Variants in LUZP2 observed in about 807,000 individuals in gnomAD.
The protein encoded by LUZP2 is leucine zipper protein 2.
In LUZP2, 52 loss-of-function variants were observed where a neutral mutation model predicts 51.6. The observed-to-expected ratio is 1.01, with a 90% CI of 0.81 to 1.27. LUZP2 has a LOEUF of 1.27. Ranked by LOEUF, LUZP2 falls within the 50% of genes most tolerant of loss-of-function variation. The pLI is 0.00. For synonymous variants in LUZP2, 154 were observed against 137.3 expected (o/e 1.12, Z -0.85); for missense variants, 436 against 395.4 (o/e 1.10, Z -0.87).
At chr11:24,781,611 C>A (rs577050807) in intron 5 of LUZP2, among the ~76,000 whole-genome samples, 1 of 151,948 alleles carries the variant, frequency 6.6e-6, no homozygotes, top group South Asian at 2.1e-4. Flanking sequence ...TTACCATTTT[C>A]CATTTTCTTT....
At chr11:24,743,392 A>G (rs948034873) in intron 4 of LUZP2, among the ~76,000 whole-genome samples, 2 of 152,060 alleles carry the variant, frequency 1.3e-5, no homozygotes, top group African/African-American at 4.8e-5. Flanking sequence ...TTTTCCTTGT[A>G]GAAGCCTTTT....
chr11:24,609,624 GA>G (rs1220979173), intron 1 of LUZP2, among the ~76,000 whole-genome samples: 1 of 148,612 alleles, frequency 6.7e-6, no homozygotes, highest in Non-Finnish European at 1.5e-5. Flanking sequence ...CAGCTACTCG[GA>G]AGGCTGAGGC....
chr11:24,816,989 G>T (rs1302981567), intron 5 of LUZP2, among the ~76,000 whole-genome samples: 1 of 151,678 alleles, frequency 6.6e-6, no homozygotes, highest in East Asian at 1.9e-4. Context: ...TTACCCTCAG[G>T]GATTAAATTT....
chr11:24,611,939 T>C lies in LUZP2; in HGVS notation c.62+114634T>C, dbSNP rs2133888445. On this transcript the variant is annotated intron_variant, in intron 1 of 11. Transcript: ENST00000336930. This position sits in a 1 kb window ranked among gnomAD's most constrained non-coding sequence, Gnocchi z 4.6. ...AGACAATATGTGTTATGCCAAGAAG[T>C]TTAAACTTTGAAAAACATGTCATTG... 6.6e-6 allele frequency among the ~76,000 whole-genome samples: 1 copy of C among 152,232 alleles called. No individual in the cohort carries two copies. The highest frequency in any genetic ancestry group is 2.4e-5 in the African/African-American group (1 of 41,552).
chr11:24,803,619 G>A (rs1187915647), intron 5 of LUZP2, among the ~76,000 whole-genome samples: 1 of 152,008 alleles, frequency 6.6e-6, no homozygotes, highest in Non-Finnish European at 1.5e-5. Context: ...AAAATGTGGT[G>A]TATCATACAA....
At chr11:24,699,188 G>A (rs141709756) in intron 1 of LUZP2, among the ~76,000 whole-genome samples, 10 of 151,230 alleles carry the variant, frequency 6.6e-5, no homozygotes, top group East Asian at 2.0e-4. Flanking sequence ...CTTTGTCCCC[G>A]TAAGATTTCT....
chr11:24,789,772 T>C (rs1401484049), intron 5 of LUZP2, among the ~76,000 whole-genome samples: 10 of 152,190 alleles, frequency 6.6e-5, no homozygotes, highest in Admixed American at 6.6e-4. Flanking sequence ...CCCCACATGG[T>C]GGAAGAAGCA....
chr11:24,993,048 T>C (rs994893071), intron 9 of LUZP2, among the ~76,000 whole-genome samples: 7 of 152,176 alleles, frequency 4.6e-5, no homozygotes, highest in Non-Finnish European at 1.0e-4. Flanking sequence ...TTACAACAAA[T>C]TGAATTCAAT....
chr11:24,950,480 G>A (rs1430534134), intron 7 of LUZP2, among the ~76,000 whole-genome samples: 1 of 151,652 alleles, frequency 6.6e-6, no homozygotes, highest in South Asian at 2.1e-4. Context: ...TCCAAGCCAG[G>A]TGAAATAAAT....
chr11:24,601,985 T>A (rs1853675810), intron 1 of LUZP2, among the ~76,000 whole-genome samples: 1 of 82,882 alleles, frequency 1.2e-5, no homozygotes, highest in African/African-American at 5.8e-5. Flanking sequence ...TATGTATATA[T>A]ATGTGTATAT....
At chr11:24,633,939 C>CGTGTGT (rs67250902) in intron 1 of LUZP2, among the ~76,000 whole-genome samples, 178 of 148,526 alleles carry the variant, frequency 1.2e-3, no homozygotes, top group African/African-American at 4.1e-3. Flanking sequence ...GTCTAACACA[C>CGTGTGT]GTGTGTGTGT....
At chr11:25,066,092 A>G (rs1032624588) in intron 10 of LUZP2, among the ~76,000 whole-genome samples, 4 of 151,852 alleles carry the variant, frequency 2.6e-5, no homozygotes, top group Non-Finnish European at 5.9e-5. Context: ...ATTTGTTGGA[A>G]GGAGGATTTC....
chr11:25,037,300 C>T (rs1010518778), intron 9 of LUZP2, among the ~76,000 whole-genome samples: 1 of 152,054 alleles, frequency 6.6e-6, no homozygotes, highest in East Asian at 1.9e-4. Flanking sequence ...GTTTCCCATT[C>T]GCTTGGTAGC....
intron 7 of LUZP2, among the ~76,000 whole-genome samples, chr11:24,944,873 C>G (rs1854857376): frequency 6.6e-6 from 1 of 152,170 alleles, no homozygotes; most frequent in Admixed American, 6.5e-5. Context: ...AGGCTTTAAA[C>G]TGTGCTATTT....
chr11:24,556,199 T>A (rs1184929593), intron 1 of LUZP2, among the ~76,000 whole-genome samples: 2 of 152,220 alleles, frequency 1.3e-5, no homozygotes, highest in African/African-American at 4.8e-5. Flanking sequence ...CACACAGGAT[T>A]GAAAATTGGG....
At chr11:24,698,716 C>A (rs959551423) in intron 1 of LUZP2, among the ~76,000 whole-genome samples, 1 of 152,072 alleles carries the variant, frequency 6.6e-6, no homozygotes, top group African/African-American at 2.4e-5. Flanking sequence ...CAACTTGATG[C>A]AGTTTTCTGC....
intron 7 of LUZP2, among the ~76,000 whole-genome samples, chr11:24,934,879 G>A (rs2133839881): frequency 6.6e-6 from 1 of 152,254 alleles, no homozygotes; most frequent in South Asian, 2.1e-4. Flanking sequence ...TTCTGAATGA[G>A]CTTTTAAATA....
At position 25,039,954 on chromosome 11, in the gene LUZP2, G is replaced by A. The variant is rs542125093; in HGVS notation, c.766-10084G>A. ...ACTTTCTCTGATCACACTTTTTCTC[G>A]TTTTATATGCATGAATTAAAGTCAA... is the stretch of plus-strand genomic sequence containing the variant. On this transcript the variant is annotated intron_variant, in intron 9 of 11. Coordinates refer to ENST00000336930, the MANE Select transcript of LUZP2 (RefSeq NM_001009909.4). 1.1e-4 allele frequency among the ~76,000 whole-genome samples: 16 copies of A among 151,738 alleles called. No homozygotes were observed. In the South Asian group the frequency reaches 1.9e-3, roughly 18 times the overall value.
At chr11:24,827,004 A>C (rs1418022844) in intron 5 of LUZP2, among the ~76,000 whole-genome samples, 3 of 152,176 alleles carry the variant, frequency 2.0e-5, no homozygotes, top group African/African-American at 7.2e-5. Context: ...TTTTCAATAA[A>C]ATTATAATGT....
Sources: allele counts gnomAD v4.1 joint callset (sites outside exome capture counted in the v4.1 genomes callset), GRCh38; gene constraint gnomAD v4.1.1; non-coding constraint Gnocchi (gnomAD v3.1); transcripts MANE v1.5; gene names NCBI Gene and HGNC (gene_info 2026-07-23, HGNC 2026-07-21).